Variants in NXPH1 observed in about 807,000 individuals in gnomAD.
The protein encoded by NXPH1 is neurexophilin 1.
A neutral mutation model predicts 23.7 loss-of-function variants in NXPH1; 5 were observed. The ratio of observed to expected loss-of-function variants is 0.21; its 90% CI spans 0.11 to 0.44. The LOEUF (loss-of-function observed/expected upper bound fraction) is 0.44. Ranked by LOEUF, NXPH1 falls within the 20% of genes least tolerant of loss-of-function variation. The pLI is 0.99. For missense variants in NXPH1, 324 were observed against 321.6 expected (o/e 1.01, Z -0.06); for synonymous variants, 144 against 122.2 (o/e 1.18, Z -1.18).
intron 2 of NXPH1, among the ~76,000 whole-genome samples, chr7:8,537,444 A>G (rs1000902920): frequency 6.6e-6 from 1 of 151,970 alleles, no homozygotes; most frequent in African/African-American, 2.4e-5. Flanking sequence ...TGTCCTTCAC[A>G]TGGTGACAGC....
chr7:8,510,078 T>A (rs999020697), intron 2 of NXPH1, among the ~76,000 whole-genome samples: 1 of 152,120 alleles, frequency 6.6e-6, no homozygotes, highest in Non-Finnish European at 1.5e-5. Context: ...ACATGCTGAC[T>A]ATTCAAATGG....
chr7:8,704,904 C>T (rs1444633414), intron 2 of NXPH1, among the ~76,000 whole-genome samples: 1 of 152,112 alleles, frequency 6.6e-6, no homozygotes, highest in Non-Finnish European at 1.5e-5. Context: ...AAAGTACTTT[C>T]ACAAGTATAT....
intron 2 of NXPH1, among the ~76,000 whole-genome samples, chr7:8,596,447 C>G (rs990096849): frequency 6.6e-6 from 1 of 152,078 alleles, no homozygotes; most frequent in Non-Finnish European, 1.5e-5. Context: ...TAACATCAAC[C>G]ACTGCCAAAG....
At position 8,668,261 on chromosome 7, in the gene NXPH1, T is replaced by TG. The variant is rs1378141335; in HGVS notation, c.55-82747_55-82746insG. ...TGATGGTGTTATGTCTCTTTGTTTT[T>TG]TTTTTTTTATTTTGTTGTTGTTGTT... is the stretch of plus-strand genomic sequence containing the variant. On this transcript the variant is annotated intron_variant, in intron 2 of 2. Coordinates refer to ENST00000405863, the MANE Select transcript of NXPH1 (RefSeq NM_152745.3). Among the ~76,000 whole-genome samples the TG allele has an allele frequency of 7.2e-5, 6 of 83,276 alleles. 1 individual carries two copies. The highest frequency in any genetic ancestry group is 1.4e-4 in the Non-Finnish European group (5 of 36,702). 54.6% of individuals were successfully genotyped at this position (83,276 alleles called of 152,430 possible).
intron 2 of NXPH1, among the ~76,000 whole-genome samples, chr7:8,635,126 G>A (rs1052867703): frequency 6.6e-6 from 1 of 152,120 alleles, no homozygotes; most frequent in Non-Finnish European, 1.5e-5. Context: ...TTTTTCTAGA[G>A]GCAACCTAAA....
chr7:8,717,192 C>A (rs2115203015), intron 2 of NXPH1, among the ~76,000 whole-genome samples: 1 of 152,194 alleles, frequency 6.6e-6, no homozygotes, highest in Admixed American at 6.5e-5. Flanking sequence ...ATGATGCATC[C>A]TTTCTCTTGA....
At chr7:8,646,565 G>T (rs992555307) in intron 2 of NXPH1, among the ~76,000 whole-genome samples, 15 of 151,954 alleles carry the variant, frequency 9.9e-5, no homozygotes, top group African/African-American at 3.6e-4. Flanking sequence ...TATAGGCTTT[G>T]TTGTACTATT....
At chr7:8,735,723 T>C (rs1166995076) in intron 2 of NXPH1, among the ~76,000 whole-genome samples, 3 of 152,334 alleles carry the variant, frequency 2.0e-5, no homozygotes, top group Middle Eastern at 3.4e-3. Context: ...TACCAGCTTC[T>C]CTTTGTACCT....
chr7:8,478,771 G>A (rs1164465977), intron 2 of NXPH1, among the ~76,000 whole-genome samples: 1 of 152,050 alleles, frequency 6.6e-6, no homozygotes, highest in Non-Finnish European at 1.5e-5. Context: ...ATTTGTAAGT[G>A]AAAGAAAATT....
chr7:8,480,357 G>T (rs1253374430), intron 2 of NXPH1, among the ~76,000 whole-genome samples: 1 of 152,156 alleles, frequency 6.6e-6, no homozygotes, highest in East Asian at 1.9e-4. Flanking sequence ...TGTGGCCTGA[G>T]ATCTTATTAA....
chr7:8,497,204 C>T (rs927005461), intron 2 of NXPH1, among the ~76,000 whole-genome samples: 10 of 152,220 alleles, frequency 6.6e-5, no homozygotes, highest in South Asian at 2.1e-4. Flanking sequence ...TCCTTTATTA[C>T]GGCTGCATAG....
At chr7:8,537,552 AC>A (rs1182095623) in intron 2 of NXPH1, among the ~76,000 whole-genome samples, 6 of 151,594 alleles carry the variant, frequency 4.0e-5, no homozygotes, top group Admixed American at 4.0e-4. Flanking sequence ...GGAGGTAACC[AC>A]CCCCATGATT....
In NXPH1 at chr7:8,435,826, C is replaced by G; in HGVS notation, c.54+59C>G. 2 of 1,503,550 alleles carry G rather than the reference C, an allele frequency of 1.3e-6. No individual in the cohort carries two copies. The highest frequency in any genetic ancestry group is 1.9e-6 in the Non-Finnish European group (2 of 1,079,818). 93.1% of individuals were successfully genotyped at this position (1,503,550 alleles called of 1,614,324 possible). A position where few individuals can be genotyped will look rare whatever the true frequency, so the allele number is the denominator to read the frequency against. ...TTACCCCGGCCGGGAGGCAAGGAAA[C>G]TGGGGACACGCGGGAGAAGGGTTAC... On this transcript the variant is annotated intron_variant, in intron 2 of 2. Transcript: ENST00000405863. This position sits in a 1 kb window ranked among gnomAD's most constrained non-coding sequence, Gnocchi z 5.9.
At chr7:8,538,934 G>A (rs1397673397) in intron 2 of NXPH1, among the ~76,000 whole-genome samples, 4 of 151,886 alleles carry the variant, frequency 2.6e-5, no homozygotes, top group African/African-American at 9.7e-5. Flanking sequence ...TGTTTTGAAT[G>A]TTTGAAAAAT....
intron 2 of NXPH1, among the ~76,000 whole-genome samples, chr7:8,486,896 A>T (rs1817167879): frequency 6.6e-6 from 1 of 152,114 alleles, no homozygotes; most frequent in African/African-American, 2.4e-5. Flanking sequence ...TCCCTCATTT[A>T]TTTAAATTAC....
intron 2 of NXPH1, among the ~76,000 whole-genome samples, chr7:8,582,071 C>T (rs539651518): frequency 5.6e-4 from 86 of 152,264 alleles, no homozygotes; most frequent in African/African-American, 1.9e-3. Flanking sequence ...TGGGCAGCTC[C>T]GGGCACCAGC....
intron 2 of NXPH1, among the ~76,000 whole-genome samples, chr7:8,735,692 G>A (rs957338979): frequency 1.3e-5 from 2 of 152,144 alleles, no homozygotes; most frequent in East Asian, 1.9e-4. Context: ...CTGTTGTTTG[G>A]AATCATTTCA....
intron 2 of NXPH1, among the ~76,000 whole-genome samples, chr7:8,701,820 A>C (rs540447468): frequency 3.4e-4 from 51 of 152,122 alleles, no homozygotes; most frequent in Non-Finnish European, 6.9e-4. Context: ...CAGAACCAAA[A>C]TTCTAAAAAT....
chr7:8,712,038 G>A (rs1340483829), intron 2 of NXPH1, among the ~76,000 whole-genome samples: 2 of 152,172 alleles, frequency 1.3e-5, no homozygotes, highest in South Asian at 4.1e-4. Flanking sequence ...TATTTCCTCT[G>A]AAAGCTCAAG....
Sources: gnomAD v4.1 joint callset for allele counts (sites outside exome capture counted in the v4.1 genomes callset) on GRCh38, gnomAD v4.1.1 for gene constraint, Gnocchi (gnomAD v3.1) non-coding constraint, MANE v1.5 for transcripts, NCBI Gene and HGNC (gene_info 2026-07-23, HGNC 2026-07-21) for gene names.